Variants in TMEFF1 observed in about 807,000 individuals in gnomAD.
TMEFF1 encodes tomoregulin-1.
A neutral mutation model predicts 47.5 loss-of-function variants in TMEFF1; 20 were observed. The ratio of observed to expected loss-of-function variants is 0.42; its 90% CI spans 0.30 to 0.61. The LOEUF (loss-of-function observed/expected upper bound fraction) is 0.61, where lower values mean the gene tolerates loss of function less well. TMEFF1 is among the 20% of genes least tolerant of loss of function. The pLI is 0.19. For missense variants in TMEFF1, 411 were observed against 471.1 expected, an observed-to-expected ratio of 0.87 and a Z score of 1.18; for synonymous variants, 162 against 166.3, an observed-to-expected ratio of 0.97 and a Z score of 0.20.
chr9:100,486,819 G>T (rs1412346664), intron 1 of TMEFF1, among the ~76,000 whole-genome samples: 1 of 152,024 alleles, frequency 6.6e-6, no homozygotes, highest in African/African-American at 2.4e-5. Flanking sequence ...ATTATCTTTT[G>T]TAGTTACGGA....
At chr9:100,495,061 G>A (rs186596318) in intron 1 of TMEFF1, among the ~76,000 whole-genome samples, 207 of 150,568 alleles carry the variant, frequency 1.4e-3, no homozygotes, top group African/African-American at 4.7e-3. Context: ...TTTTTTTTTC[G>A]TTTGCAAATG....
At chr9:100,483,229 G>T (rs1226481671) in intron 1 of TMEFF1, among the ~76,000 whole-genome samples, 2 of 152,180 alleles carry the variant, frequency 1.3e-5, no homozygotes, top group African/African-American at 4.8e-5. Flanking sequence ...AGGCACAGTG[G>T]CTCATGCCTG....
chr9:100,488,182 G>A (rs946333000), intron 1 of TMEFF1, among the ~76,000 whole-genome samples: 3 of 152,114 alleles, frequency 2.0e-5, no homozygotes, highest in Non-Finnish European at 4.4e-5. Context: ...ACCGGCATAT[G>A]TTTCAAAATA....
At chr9:100,532,306 C>T (rs1838400201) in intron 5 of TMEFF1, among the ~76,000 whole-genome samples, 1 of 152,128 alleles carries the variant, frequency 6.6e-6, no homozygotes, top group African/African-American at 2.4e-5. Flanking sequence ...GAACAGGCAA[C>T]CTACAAAATG....
intron 1 of TMEFF1, among the ~76,000 whole-genome samples, chr9:100,493,903 C>T (rs1837603680): frequency 6.6e-6 from 1 of 152,136 alleles, no homozygotes; most frequent in Non-Finnish European, 1.5e-5. Context: ...TAGAAATCAG[C>T]TGGGTGTGGT....
At chr9:100,489,343 C>T (rs1391770313) in intron 1 of TMEFF1, among the ~76,000 whole-genome samples, 1 of 152,114 alleles carries the variant, frequency 6.6e-6, no homozygotes, top group East Asian at 1.9e-4. Flanking sequence ...GCTGAGACTA[C>T]AGGCATGTGC....
intron 5 of TMEFF1, among the ~76,000 whole-genome samples, chr9:100,531,306 T>G (rs1281062785): frequency 6.6e-6 from 1 of 152,182 alleles, no homozygotes; most frequent in African/African-American, 2.4e-5. Context: ...TGTCCCTGTT[T>G]GCAGACGACA....
intron 1 of TMEFF1, among the ~76,000 whole-genome samples, chr9:100,491,516 C>A (rs1202165345): frequency 6.6e-6 from 1 of 152,170 alleles, no homozygotes; most frequent in Admixed American, 6.5e-5. Context: ...ATAGGACTTT[C>A]CCCAGCAGTG....
At chr9:100,576,436 T>G in intron 9 of TMEFF1, 80 bp from the exon 10 acceptor site, 2 of 1,544,236 alleles carry the variant, frequency 1.3e-6, no homozygotes, top group Non-Finnish European at 1.7e-6. Context: ...AAAATGTGTA[T>G]TACTTTGGAA....
chr9:100,546,272 T>TGGAAGGCAAG (rs1324740054), intron 5 of TMEFF1, among the ~76,000 whole-genome samples: 1 of 152,052 alleles, frequency 6.6e-6, no homozygotes, highest in Admixed American at 6.5e-5. Flanking sequence ...ACAATCATGG[T>TGGAAGGCAAG]GGAAGGCAAG....
intron 8 of TMEFF1, among the ~76,000 whole-genome samples, chr9:100,563,857 T>A (rs1161934804): frequency 2.0e-5 from 3 of 152,308 alleles, no homozygotes; most frequent in Non-Finnish European, 2.9e-5. Context: ...TGCTAAAGAA[T>A]CCCTTTTCTG....
intron 1 of TMEFF1, among the ~76,000 whole-genome samples, chr9:100,493,961 T>C (rs1837605278): frequency 2.0e-5 from 3 of 152,140 alleles, no homozygotes; most frequent in African/African-American, 7.2e-5. Flanking sequence ...GGTGGGCAGA[T>C]GGCTTGAGCC....
chr9:100,496,089 A>G (rs7028822), intron 1 of TMEFF1, among the ~76,000 whole-genome samples: 37,163 of 152,174 alleles, frequency 0.24, 5,167 homozygotes, highest in African/African-American at 0.37. Context: ...AGCAGAGCTT[A>G]TCACTTCGTT....
chr9:100,534,742 C>T (rs534921219), intron 5 of TMEFF1, among the ~76,000 whole-genome samples: 3 of 152,190 alleles, frequency 2.0e-5, no homozygotes, highest in Non-Finnish European at 4.4e-5. Context: ...CTTTTTCATA[C>T]ATTTGATCAA....
intron 3 of TMEFF1, among the ~76,000 whole-genome samples, chr9:100,512,754 G>C (rs1300210821): frequency 6.6e-6 from 1 of 152,138 alleles, no homozygotes; most frequent in Non-Finnish European, 1.5e-5. Context: ...TTTCCTAGAG[G>C]AAGTTAATTT....
intron 5 of TMEFF1, among the ~76,000 whole-genome samples, chr9:100,538,973 C>G (rs1023618109): frequency 6.6e-6 from 1 of 151,996 alleles, no homozygotes; most frequent in African/African-American, 2.4e-5. Flanking sequence ...GGCTCAATCT[C>G]AGCTCATCGC....
chr9:100,503,365 TTG>T (rs1837802223), intron 2 of TMEFF1, among the ~76,000 whole-genome samples: 1 of 152,196 alleles, frequency 6.6e-6, no homozygotes, highest in Non-Finnish European at 1.5e-5. Context: ...CCTGAAAACT[TTG>T]TATAGAGTAC....
At chr9:100,556,904 G>A (rs1286407740) in intron 7 of TMEFF1, among the ~76,000 whole-genome samples, 1 of 151,820 alleles carries the variant, frequency 6.6e-6, no homozygotes, top group Non-Finnish European at 1.5e-5. Context: ...GGAGTGCAGT[G>A]GTGCGATCTC....
Position 100,561,505 on chromosome 9 carries a change from A to G in TMEFF1, c.884A>G (p.Gln295Arg), listed in dbSNP as rs370426842. The change falls in exon 8 of 10, where the codon CAG (glutamine) becomes CGG (arginine). Residue 295 changes from glutamine (Q) to arginine (R), a missense_variant. By Grantham distance (43) the Gln-to-Arg change is conservative (BLOSUM62 1). Transcript: ENST00000374879. ...HGKCEFIYST[Q>R]KASCRCESGY... ...AAATGTGAATTCATCTATTCTACTC[A>G]GAAGGCTTCTTGTAGGTAAGTCAGC... The G allele has an allele frequency of 1.1e-5, 18 of 1,612,114 alleles. No homozygotes were observed. The highest frequency in any genetic ancestry group is 2.2e-5 in the East Asian group (1 of 44,816).
Sources: allele counts gnomAD v4.1 joint callset (sites outside exome capture counted in the v4.1 genomes callset), GRCh38; gene constraint gnomAD v4.1.1; transcripts MANE v1.5; gene names NCBI Gene and HGNC (gene_info 2026-07-23, HGNC 2026-07-21).